LRRC9: variants seen among roughly 807,000 people sequenced by gnomAD.
LRRC9 encodes leucine rich repeat containing 9, also known as leucine-rich repeat-containing protein 9.
Under a neutral mutation model 63.2 loss-of-function variants are expected in LRRC9, and 122 were observed. The ratio of observed to expected loss-of-function variants is 1.93; its 90% CI spans 1.67 to 2.24. The LOEUF is 2.24. Ranked by LOEUF, LRRC9 falls within the 30% of genes most tolerant of loss-of-function variation. The probability of loss-of-function intolerance (pLI) is 0.00; values close to 1 mark genes in which losing one functional copy is unlikely to be tolerated. For synonymous variants in LRRC9, 366 were observed against 213.1 expected (o/e 1.72, Z -6.25); for missense variants, 1,071 against 627.7 (o/e 1.71, Z -7.55).
chr14:59,961,290 T>C (rs532381425), intron 10 of LRRC9, among the ~76,000 whole-genome samples: 1 of 152,354 alleles, frequency 6.6e-6, no homozygotes, highest in East Asian at 1.9e-4. Context: ...TGGTTTATCA[T>C]TGCTCTTTAC....
In LRRC9 at chr14:59,932,060, T is replaced by C. The variant is rs1239072660; in HGVS notation, c.543+21T>C. On this transcript the variant is annotated intron_variant, in intron 6 of 31. Transcript: ENST00000445360. The surrounding 1 kb of genome is among the most constrained non-coding windows in gnomAD (Gnocchi z 4.7). ...TCAAGGTATGTTTAAGTGGAATAAT[T>C]AATTTTTATTTATCATCCTGAATCA... 8 of 692,692 alleles carry C rather than the reference T, an allele frequency of 1.2e-5. No individual in the cohort carries two copies. The highest frequency in any genetic ancestry group is 1.6e-5 in the Non-Finnish European group (6 of 381,324). The allele number at this position is 692,692 out of a possible 1,614,324, so 42.9% of individuals were successfully genotyped here.
chr14:59,980,522 T>C (rs1455208590), intron 15 of LRRC9, among the ~76,000 whole-genome samples: 5 of 152,230 alleles, frequency 3.3e-5, no homozygotes, highest in Non-Finnish European at 2.9e-5. Flanking sequence ...TGTCAAGCTC[T>C]ATTTTAATAT....
chr14:60,064,825 A>G (rs1300823100), downstream of LRRC9, among the ~76,000 whole-genome samples: 4 of 152,308 alleles, frequency 2.6e-5, no homozygotes, highest in South Asian at 2.1e-4. Context: ...AATGCTGAAT[A>G]TATGTTACTT....
intron 29 of LRRC9, among the ~76,000 whole-genome samples, chr14:60,049,558 T>A (rs1893720854): frequency 6.6e-6 from 1 of 152,238 alleles, no homozygotes; most frequent in Non-Finnish European, 1.5e-5. Context: ...GAAATTCTTT[T>A]AAGAATGTTG....
intron 17 of LRRC9, among the ~76,000 whole-genome samples, chr14:59,989,843 T>G (rs1887867337): frequency 6.6e-6 from 1 of 152,162 alleles, no homozygotes; most frequent in African/African-American, 2.4e-5. Flanking sequence ...CTTCTGTTGT[T>G]TATATGTACT....
chr14:60,001,839 G>GTAATTATA (rs1889391160), intron 19 of LRRC9, 127 bp from the exon 20 acceptor site: 1 of 439,222 alleles, frequency 2.3e-6, no homozygotes, highest in South Asian at 5.8e-5. Context: ...TAAGGCAAAG[G>GTAATTATA]AAATGTTACA....
At chr14:59,980,448 C>G (rs925423443) in intron 15 of LRRC9, among the ~76,000 whole-genome samples, 1 of 152,104 alleles carries the variant, frequency 6.6e-6, no homozygotes, top group Middle Eastern at 3.2e-3. Context: ...CCCCACTCAT[C>G]TTTTTAAACT....
intron 28 of LRRC9, among the ~76,000 whole-genome samples, chr14:60,030,831 A>T (rs1891930430): frequency 6.6e-6 from 1 of 150,594 alleles, no homozygotes; most frequent in African/African-American, 2.5e-5. Context: ...ACACTACTGT[A>T]AAAAAAAATG....
At chr14:59,977,928 T>C (rs1161964699) in intron 14 of LRRC9, 89 bp from the exon 15 acceptor site, 3 of 559,316 alleles carry the variant, frequency 5.4e-6, no homozygotes, top group Admixed American at 3.0e-5. Context: ...CTTATTGAGT[T>C]TGTTAATTAT....
Position 60,031,900 on chromosome 14 carries a change from C to T in LRRC9, c.3922-95C>T, listed in dbSNP as rs1035228068. On this transcript the variant is annotated intron_variant, in intron 28 of 31. Coordinates refer to ENST00000445360, the Ensembl canonical transcript of LRRC9. This position sits in a 1 kb window ranked among gnomAD's most constrained non-coding sequence, Gnocchi z 4.6. ...AGAGAATTCAATCATGAGCTAGCTG[C>T]AAACTAACACTTACATATAATTACT... 4 of 633,286 alleles carry T rather than the reference C, an allele frequency of 6.3e-6. No homozygotes were observed. The highest frequency in any genetic ancestry group is 5.5e-5 in the African/African-American group (3 of 54,434). The allele number at this position is 633,286 out of a possible 1,614,324, so 39.2% of individuals were successfully genotyped here.
rs1194888523 is a variant in LRRC9, at chr14:59,936,716, C to T, written c.544-1674C>T. The stretch of plus-strand genomic sequence containing the variant: ...AAATCTTCCTTTTAGAGCAACTCTG[C>T]TTAGTCCTCCTCCCTGCATAGGCTC... On this transcript the variant is annotated intron_variant, in intron 6 of 31. Coordinates refer to ENST00000445360, the Ensembl canonical transcript of LRRC9. The surrounding 1 kb of genome is among the most constrained non-coding windows in gnomAD (Gnocchi z 4.2). Among the ~76,000 whole-genome samples the T allele has an allele frequency of 6.6e-6, 1 of 152,198 alleles. No individual in the cohort carries two copies. Among genetic ancestry groups the T allele is most frequent in the East Asian group, 1.9e-4 (1 of 5,204 alleles).
intron 31 of LRRC9, among the ~76,000 whole-genome samples, chr14:60,062,777 C>T (rs902868000): frequency 6.6e-6 from 1 of 152,198 alleles, no homozygotes; most frequent in African/African-American, 2.4e-5. Context: ...TCCTGGCATC[C>T]CTGCTCCTGC....
chr14:60,054,089 A>C (rs1021158038), intron 30 of LRRC9: 1 of 329,124 alleles, frequency 3.0e-6, no homozygotes, highest in African/African-American at 2.2e-5. Context: ...CATTAAACTG[A>C]ATAGGAAAGA....
chr14:59,961,191 G>C (rs1312821692), intron 10 of LRRC9, 146 bp downstream of exon 10: 1 of 488,304 alleles, frequency 2.0e-6, no homozygotes, highest in Non-Finnish European at 3.6e-6. Flanking sequence ...AAATTGGCAG[G>C]CATCTATTGA....
intron 8 of LRRC9, among the ~76,000 whole-genome samples, chr14:59,945,833 T>C (rs1231417123): frequency 6.6e-6 from 1 of 151,976 alleles, no homozygotes. Flanking sequence ...TAATAAGCAT[T>C]TGAAAGAACT....
At chr14:59,985,633 G>T (rs1887386394) in intron 17 of LRRC9, among the ~76,000 whole-genome samples, 1 of 151,960 alleles carries the variant, frequency 6.6e-6, no homozygotes, top group Non-Finnish European at 1.5e-5. Context: ...TGATAAATTG[G>T]AATAAGCATT....
At chr14:59,980,342 C>T (rs776692014) in intron 15 of LRRC9, among the ~76,000 whole-genome samples, 70 of 152,026 alleles carry the variant, frequency 4.6e-4, no homozygotes, top group Non-Finnish European at 7.4e-4. Flanking sequence ...TTCCATTGAA[C>T]TCTTTCATCT....
At position 59,962,082 on chromosome 14, in the gene LRRC9, T is replaced by C. The variant is rs1191585265; in HGVS notation, c.1211+1037T>C. Among the ~76,000 whole-genome samples the C allele has an allele frequency of 6.6e-6, 1 of 152,236 alleles. No individual in the cohort carries two copies. The highest frequency in any genetic ancestry group is 1.5e-5 in the Non-Finnish European group (1 of 68,044). On this transcript the variant is annotated intron_variant, in intron 10 of 31. Coordinates refer to ENST00000445360, the Ensembl canonical transcript of LRRC9. The surrounding 1 kb of genome is among the most constrained non-coding windows in gnomAD (Gnocchi z 5.1). ...ATGGGTTACTTTAAACCAAGTCCCCTGATTTCTATTAGACATGGCTTTTTT... is the reference window on the plus strand; with the variant it reads ...ATGGGTTACTTTAAACCAAGTCCCCCGATTTCTATTAGACATGGCTTTTTT...
chr14:60,059,620 A>T (rs138109720), intron 31 of LRRC9, among the ~76,000 whole-genome samples: 2 of 152,232 alleles, frequency 1.3e-5, no homozygotes, highest in Non-Finnish European at 2.9e-5. Flanking sequence ...TCCGGATAGG[A>T]TATCAACCAG....
Sources: allele counts gnomAD v4.1 joint callset (sites outside exome capture counted in the v4.1 genomes callset), GRCh38; gene constraint gnomAD v4.1.1; non-coding constraint Gnocchi (gnomAD v3.1); transcripts MANE v1.5; gene names NCBI Gene and HGNC (gene_info 2026-07-23, HGNC 2026-07-21).